Variants in NBEA observed in about 807,000 individuals in gnomAD.
NBEA encodes neurobeachin.
Under a neutral mutation model 343.4 loss-of-function variants are expected in NBEA, and 44 were observed. The observed-to-expected ratio is 0.13, with a 90% CI of 0.10 to 0.16. The LOEUF (loss-of-function observed/expected upper bound fraction) is 0.16, where lower values mean the gene tolerates loss of function less well. NBEA is among the 10% of genes least tolerant of loss of function. NBEA has a pLI of 1.00. For synonymous variants in NBEA, 1,175 were observed against 1,238.7 expected, an observed-to-expected ratio of 0.95 and a Z score of 1.08; for missense variants, 2,555 against 3,631.3, an observed-to-expected ratio of 0.70 and a Z score of 7.62.
intron 40 of NBEA, among the ~76,000 whole-genome samples, chr13:35,455,552 G>A (rs1450018571): frequency 4.6e-5 from 7 of 152,060 alleles, no homozygotes; most frequent in African/African-American, 1.2e-4. Context: ...TGCCTGTTGA[G>A]AACTGTTTAA....
intron 52 of NBEA, 132 bp downstream of exon 52, chr13:35,649,979 T>A (rs962729352): frequency 1.1e-6 from 1 of 925,166 alleles, no homozygotes. Flanking sequence ...AATAAATAAT[T>A]GTCAAATCCA....
At chr13:35,456,807 A>G (rs926824695) in intron 40 of NBEA, among the ~76,000 whole-genome samples, 6 of 151,982 alleles carry the variant, frequency 3.9e-5, no homozygotes, top group Non-Finnish European at 8.8e-5. Context: ...TGGAATGTAT[A>G]TAGGTTCCTT....
intron 1 of NBEA, among the ~76,000 whole-genome samples, chr13:34,957,022 TACAC>T (rs113442970): frequency 6.6e-6 from 1 of 150,756 alleles, no homozygotes; most frequent in South Asian, 2.1e-4. Flanking sequence ...TATATATATA[TACAC>T]ACACACACAC....
At chr13:35,403,855 A>G (rs1228114344) in intron 38 of NBEA, among the ~76,000 whole-genome samples, 1 of 152,196 alleles carries the variant, frequency 6.6e-6, no homozygotes, top group African/African-American at 2.4e-5. Context: ...CGACCTACTC[A>G]TCTGACAAAG....
intron 55 of NBEA, among the ~76,000 whole-genome samples, chr13:35,657,492 G>A (rs546117276): frequency 2.0e-5 from 3 of 152,234 alleles, no homozygotes; most frequent in South Asian, 2.1e-4. Flanking sequence ...AGCCATGTCC[G>A]TAAACAATTC....
At chr13:34,946,716 A>G (rs1286993585) in intron 1 of NBEA, among the ~76,000 whole-genome samples, 1 of 142,994 alleles carries the variant, frequency 7.0e-6, no homozygotes, top group Non-Finnish European at 1.5e-5. Flanking sequence ...TTTTTTTTTT[A>G]CATTCTAAGT....
At chr13:35,146,642 C>G (rs752386174) in intron 18 of NBEA, among the ~76,000 whole-genome samples, 1 of 152,222 alleles carries the variant, frequency 6.6e-6, no homozygotes, top group Non-Finnish European at 1.5e-5. Flanking sequence ...CAGCTCCCCA[C>G]ACTTGAAGCA....
intron 1 of NBEA, among the ~76,000 whole-genome samples, chr13:34,988,995 T>A (rs954211749): frequency 6.6e-6 from 1 of 151,010 alleles, no homozygotes; most frequent in Admixed American, 6.6e-5. Context: ...TTGTTGTTTC[T>A]TTGTCCCATT....
intron 10 of NBEA, among the ~76,000 whole-genome samples, chr13:35,082,627 G>C (rs2064479453): frequency 6.6e-6 from 1 of 152,140 alleles, no homozygotes; most frequent in Admixed American, 6.6e-5. Context: ...GTATGAGATG[G>C]TGTCTCATTG....
At chr13:35,351,106 T>A (rs1399261789) in intron 37 of NBEA, among the ~76,000 whole-genome samples, 2 of 152,010 alleles carry the variant, frequency 1.3e-5, no homozygotes, top group Non-Finnish European at 2.9e-5. Context: ...ACTGTAGGGT[T>A]ATTTCTCCAG....
intron 35 of NBEA, among the ~76,000 whole-genome samples, chr13:35,308,512 GTGTATATATGTATATATA>G (rs2037103664): frequency 5.1e-5 from 5 of 98,552 alleles, no homozygotes; most frequent in Admixed American, 1.1e-4. Context: ...ATATATATAT[GTGTATATATGTATATATA>G]TGTATATATG....
intron 13 of NBEA, among the ~76,000 whole-genome samples, chr13:35,113,749 T>C (rs147368456): frequency 0.028 from 4,212 of 152,248 alleles, 85 homozygotes; most frequent in South Asian, 0.075. Flanking sequence ...AGCCATAAGG[T>C]CTCTGTTGCA....
chr13:35,365,021 A>T (rs1832462), intron 38 of NBEA, among the ~76,000 whole-genome samples: 44,182 of 151,604 alleles, frequency 0.29, 8,287 homozygotes, highest in African/African-American at 0.54. Flanking sequence ...GCACTTAGTG[A>T]TGTAGATCAA....
intron 7 of NBEA, among the ~76,000 whole-genome samples, chr13:35,058,385 T>C (rs1457623646): frequency 5.9e-5 from 9 of 152,128 alleles, no homozygotes; most frequent in African/African-American, 2.2e-4. Context: ...TCATTATACA[T>C]CATTACAGTT....
chr13:35,308,592 G>GTATATATGTA (rs1450856908), intron 35 of NBEA, among the ~76,000 whole-genome samples: 1 of 131,776 alleles, frequency 7.6e-6, no homozygotes, highest in Non-Finnish European at 1.6e-5. Flanking sequence ...ATGTATATAT[G>GTATATATGTA]TATATATGTA....
intron 34 of NBEA, among the ~76,000 whole-genome samples, chr13:35,259,989 A>T (rs1162628394): frequency 6.6e-6 from 1 of 152,234 alleles, no homozygotes; most frequent in Non-Finnish European, 1.5e-5. Context: ...TTAACAATTG[A>T]TGGCTACATT....
chr13:34,964,495 T>G (rs1199580699), intron 1 of NBEA, among the ~76,000 whole-genome samples: 1 of 152,034 alleles, frequency 6.6e-6, no homozygotes, highest in Admixed American at 6.6e-5. Flanking sequence ...TTAATTATTC[T>G]TATGGCTCCT....
chr13:35,475,365 C>G, intron 41 of NBEA: 2 of 1,613,864 alleles, frequency 1.2e-6, no homozygotes, highest in Non-Finnish European at 1.7e-6. Context: ...GGTGACGATC[C>G]CTTAAGGTTT....
chr13:35,198,244 A>T (rs537989264), intron 31 of NBEA, among the ~76,000 whole-genome samples: 90 of 152,290 alleles, frequency 5.9e-4, no homozygotes, highest in Middle Eastern at 3.4e-3. Context: ...GTATAAACAT[A>T]TGCATGTAAG....
Sources: allele counts gnomAD v4.1 joint callset (sites outside exome capture counted in the v4.1 genomes callset), GRCh38; gene constraint gnomAD v4.1.1; transcripts MANE v1.5; gene names NCBI Gene and HGNC (gene_info 2026-07-23, HGNC 2026-07-21).